Variants in FAHD2B observed in about 807,000 individuals in gnomAD.
The protein encoded by FAHD2B is fumarylacetoacetate hydrolase domain containing 2B.
FAHD2B carries 26 observed loss-of-function variants against 33.7 expected under a neutral mutation model. The ratio of observed to expected loss-of-function variants is 0.77; its 90% CI spans 0.57 to 1.07. FAHD2B has a LOEUF of 1.07. FAHD2B is among the 50% of genes least tolerant of loss of function. The probability of loss-of-function intolerance (pLI) is 0.00; values close to 1 mark genes in which losing one functional copy is unlikely to be tolerated. For missense variants in FAHD2B, 272 were observed against 388.1 expected (o/e 0.70, Z 2.51); for synonymous variants, 108 against 150.9 (o/e 0.72, Z 2.08).
chr2:97,081,518 A>T, downstream of FAHD2B: 2 of 1,564,900 alleles, frequency 1.3e-6, no homozygotes, highest in Non-Finnish European at 1.7e-6. Context: ...CTGAGGAGGT[A>T]GGCAGGGCAG....
chr2:97,078,901 T>C (rs2031564068), downstream of FAHD2B, among the ~76,000 whole-genome samples: 2 of 152,194 alleles, frequency 1.3e-5, no homozygotes, highest in African/African-American at 4.8e-5. Context: ...TTTTTCCTGA[T>C]GCTCTCCCTC....
In FAHD2B at chr2:97,084,401, A is replaced by G. The variant is rs2031822960; in HGVS notation, c.686-124T>C. On this transcript the variant is annotated intron_variant, in intron 6 of 8. Coordinates refer to ENST00000414820, the MANE Select transcript of FAHD2B (RefSeq NM_001320848.2). ...GGTGAAAGGGCTTTAAAGTGCCCACATTGACTCAGTGCACTATGTTAGAAC... is the reference window on the plus strand; with the variant it reads ...GGTGAAAGGGCTTTAAAGTGCCCACGTTGACTCAGTGCACTATGTTAGAAC... 2.8e-6 allele frequency: 3 copies of G among 1,068,928 alleles called. No homozygotes were observed. The Admixed American group carries it at 6.9e-5, about 25-fold the overall frequency. The allele number at this position is 1,068,928 out of a possible 1,614,324, so 66.2% of individuals were successfully genotyped here. A position where few individuals can be genotyped will look rare whatever the true frequency, so the allele number is the denominator to read the frequency against.
downstream of FAHD2B, among the ~76,000 whole-genome samples, chr2:97,079,451 T>A (rs1222824899): frequency 2.0e-5 from 3 of 152,106 alleles, no homozygotes; most frequent in Admixed American, 2.0e-4. Context: ...TTGGACTTTT[T>A]AATAATCACC....
chr2:97,083,858 A>C (rs745625853), intron 8 of FAHD2B, 41 bp from the exon 9 acceptor site: 1 of 1,614,082 alleles, frequency 6.2e-7, no homozygotes, highest in Admixed American at 1.7e-5. Flanking sequence ...CCCTTCCGTC[A>C]GACACATACA....
intron 1 of FAHD2B, among the ~76,000 whole-genome samples, chr2:97,093,713 T>C (rs1266194246): frequency 6.6e-6 from 1 of 152,092 alleles, no homozygotes; most frequent in African/African-American, 2.4e-5. Flanking sequence ...GACCTTGTGA[T>C]CCGCCCACCT....
rs776317514 is a variant in FAHD2B, at chr2:97,083,737, G to A, written c.*18C>T. On this transcript the variant is annotated 3_prime_UTR_variant, in exon 9 of 9. Transcript: ENST00000414820. Reference sequence around the variant, plus strand: ...GGAGCAGATGCCCTCATCCTATGTCGGGCCTGTGCAGGAGCCATCACACCA... The same window carrying A: ...GGAGCAGATGCCCTCATCCTATGTCAGGCCTGTGCAGGAGCCATCACACCA... The A allele has an allele frequency of 4.5e-5, 72 of 1,613,894 alleles. No individual in the cohort carries two copies. The highest frequency in any genetic ancestry group is 6.7e-5 in the East Asian group (3 of 44,886).
intron 6 of FAHD2B, among the ~76,000 whole-genome samples, chr2:97,085,186 C>T (rs928571909): frequency 4.0e-5 from 6 of 150,850 alleles, no homozygotes; most frequent in African/African-American, 1.5e-4. Flanking sequence ...CATGTGGACA[C>T]CCCCCACCTC....
At chr2:97,080,330 CCATT>C (rs1459306711), downstream of FAHD2B, among the ~76,000 whole-genome samples, 2 of 152,062 alleles carry the variant, frequency 1.3e-5, no homozygotes, top group African/African-American at 2.4e-5. Context: ...TTTCCCAGCA[CCATT>C]TATTAGAGAA....
At chr2:97,083,182 C>T (rs2031721404), downstream of FAHD2B, 1 of 1,603,844 alleles carries the variant, frequency 6.2e-7, no homozygotes, top group Non-Finnish European at 8.5e-7. Flanking sequence ...CCCCAGGCTC[C>T]ACCTATCCCC....
At chr2:97,090,660 A>C (rs1344265475) in intron 3 of FAHD2B, among the ~76,000 whole-genome samples, 1 of 151,948 alleles carries the variant, frequency 6.6e-6, no homozygotes, top group East Asian at 1.9e-4. Context: ...TTCTTCTCCC[A>C]CCCTTTTGTA....
intron 1 of FAHD2B, among the ~76,000 whole-genome samples, chr2:97,092,965 C>CAAAAAAAAAAAAAAAAAAAAAAAAAA (rs748844060): frequency 3.1e-5 from 2 of 64,220 alleles, no homozygotes; most frequent in Non-Finnish European, 3.1e-5. Flanking sequence ...AGAGCGACTC[C>CAAAAAAAAAAAAAAAAAAAAAAAAAA]AAAAAAAAAA....
chr2:97,087,710 T>C (rs185880527), intron 4 of FAHD2B, among the ~76,000 whole-genome samples: 2 of 152,098 alleles, frequency 1.3e-5, no homozygotes, highest in East Asian at 1.9e-4. Context: ...AAAAGAAAAG[T>C]CATTGCTCTT....
chr2:97,092,996 T>C (rs1477961200), intron 1 of FAHD2B, among the ~76,000 whole-genome samples: 1 of 145,408 alleles, frequency 6.9e-6, no homozygotes, highest in African/African-American at 2.5e-5. Flanking sequence ...AAAGAAATTA[T>C]CCACAGAGCT....
intron 1 of FAHD2B, among the ~76,000 whole-genome samples, chr2:97,092,862 A>T (rs2032431059): frequency 6.6e-6 from 1 of 151,026 alleles, no homozygotes; most frequent in African/African-American, 2.4e-5. Context: ...AATCCCAGCT[A>T]CTAGGGAAGC....
Position 97,083,782 on chromosome 2 carries a change from T to G in FAHD2B, c.918A>C (p.Leu306=), listed in dbSNP as rs1479991571. ...ACACCACCTTGTTGATGATGACACC[T>G]AGTTCTTCAATCTCACACTGGACTT... ...GDEVQCEIEE[L]GVIINKVV is the part of the protein sequence containing the mutation. The change falls in exon 9 of 9, where the codon CTA becomes CTC. Residue 306 remains leucine, a synonymous_variant. Transcript: ENST00000414820. 6.2e-7 allele frequency: 1 copy of G among 1,614,144 alleles called. No homozygotes were observed.
chr2:97,088,084 A>G (rs1294523567), intron 4 of FAHD2B, among the ~76,000 whole-genome samples: 7 of 151,944 alleles, frequency 4.6e-5, no homozygotes, highest in African/African-American at 7.3e-5. Flanking sequence ...GGCAGGGGGG[A>G]TTGTTTGAGG....
downstream of FAHD2B, chr2:97,081,976 G>A: frequency 2.3e-6 from 3 of 1,316,458 alleles, no homozygotes; most frequent in Non-Finnish European, 3.2e-6. Context: ...GCTTGTCAGA[G>A]AACAATGGCT....
downstream of FAHD2B, chr2:97,081,130 A>G: frequency 6.7e-7 from 1 of 1,493,338 alleles, no homozygotes; most frequent in Non-Finnish European, 8.9e-7. Context: ...GCTGGCAGGC[A>G]GAGTGCCGCC....
chr2:97,083,625 T>C lies in FAHD2B; in HGVS notation c.*130A>G. The C allele has an allele frequency of 7.0e-7, 1 of 1,437,598 alleles. No homozygotes were observed. Among genetic ancestry groups the C allele is most frequent in the South Asian group, 1.2e-5 (1 of 80,324 alleles). The allele number at this position is 1,437,598 out of a possible 1,614,324, so 89.1% of individuals were successfully genotyped here. A position where few individuals can be genotyped will look rare whatever the true frequency, so the allele number is the denominator to read the frequency against. ...GCATTTATTGAAGAGAGCTCTGTCC[T>C]TCTCCCTTCTACCGAGAAGAGGCGG... On this transcript the variant is annotated 3_prime_UTR_variant, in exon 9 of 9. Transcript: ENST00000414820.
Sources: allele counts gnomAD v4.1 joint callset (sites outside exome capture counted in the v4.1 genomes callset), GRCh38; gene constraint gnomAD v4.1.1; transcripts MANE v1.5; gene names NCBI Gene and HGNC (gene_info 2026-07-23, HGNC 2026-07-21).